The following TMEFF2 variants were observed in gnomAD, a reference collection of about 807,000 sequenced individuals.
TMEFF2 encodes transmembrane protein with EGF like and two follistatin like domains 2, also known as tomoregulin-2.
In TMEFF2, 28 loss-of-function variants were observed where a neutral mutation model predicts 53.8. The observed-to-expected ratio is 0.52, with a 90% CI of 0.39 to 0.71. The LOEUF (loss-of-function observed/expected upper bound fraction) is 0.71, where lower values mean the gene tolerates loss of function less well. Ranked by LOEUF, TMEFF2 falls within the 30% of genes least tolerant of loss-of-function variation. TMEFF2 has a pLI of 0.00. For synonymous variants in TMEFF2, 162 were observed against 166.3 expected (o/e 0.97, Z 0.20); for missense variants, 353 against 455.2 (o/e 0.78, Z 2.04).
chr2:191,968,941 C>G (rs1031655840), intron 7 of TMEFF2, among the ~76,000 whole-genome samples: 2 of 152,090 alleles, frequency 1.3e-5, no homozygotes, highest in Non-Finnish European at 2.9e-5. Flanking sequence ...CCTTGGGGCT[C>G]TAGCCACCCA....
At chr2:192,143,211 T>A (rs1035946234) in intron 4 of TMEFF2, among the ~76,000 whole-genome samples, 1 of 152,118 alleles carries the variant, frequency 6.6e-6, no homozygotes, top group African/African-American at 2.4e-5. Flanking sequence ...GTTCACTTAT[T>A]TGCCTGATCT....
chr2:192,104,234 G>A (rs935998239), intron 4 of TMEFF2, among the ~76,000 whole-genome samples: 49 of 152,210 alleles, frequency 3.2e-4, no homozygotes, highest in Admixed American at 3.3e-4. Context: ...CAGAAGTAGC[G>A]TTTAGAGAAA....
chr2:191,998,934 AT>A (rs1296008249), intron 6 of TMEFF2, 125 bp downstream of exon 6: 3 of 932,070 alleles, frequency 3.2e-6, no homozygotes, highest in Non-Finnish European at 4.9e-6. Context: ...AGACTCTACT[AT>A]CCATTGTAAA....
intron 5 of TMEFF2, among the ~76,000 whole-genome samples, chr2:191,999,684 T>C (rs973673624): frequency 6.6e-6 from 1 of 151,854 alleles, no homozygotes; most frequent in African/African-American, 2.4e-5. Flanking sequence ...CAATCAGGAG[T>C]CGTATTTCTT....
Position 192,186,565 on chromosome 2 carries a change from G to T in TMEFF2, c.283-2082C>A, listed in dbSNP as rs146125957. 3.9e-3 allele frequency among the ~76,000 whole-genome samples: 587 copies of T among 152,248 alleles called. 4 individuals carry two copies. The highest frequency in any genetic ancestry group is 0.013 in the African/African-American group (543 of 41,536). On this transcript the variant is annotated intron_variant, in intron 2 of 9. Transcript: ENST00000272771. ...AGGAGAGACAAGAAAGAAGGAAACA[G>T]CTGGTGACATAATGATCGATAGACT... is the stretch of plus-strand genomic sequence containing the variant.
At chr2:192,136,299 T>C (rs1452029267) in intron 4 of TMEFF2, among the ~76,000 whole-genome samples, 1 of 152,188 alleles carries the variant, frequency 6.6e-6, no homozygotes, top group African/African-American at 2.4e-5. Flanking sequence ...AAATATGAAT[T>C]GATAATGATA....
intron 4 of TMEFF2, among the ~76,000 whole-genome samples, chr2:192,121,506 T>A (rs181302828): frequency 6.6e-6 from 1 of 151,992 alleles, no homozygotes; most frequent in African/African-American, 2.4e-5. Flanking sequence ...TAAACTGGAG[T>A]GGTCTTTGGA....
chr2:192,184,575 C>T, intron 2 of TMEFF2, 92 bp from the exon 3 acceptor site: 1 of 1,464,488 alleles, frequency 6.8e-7, no homozygotes, highest in East Asian at 2.3e-5. Flanking sequence ...CAAAAGAAAC[C>T]ACTTGTCTTC....
intron 5 of TMEFF2, among the ~76,000 whole-genome samples, chr2:192,023,711 A>C (rs1296347398): frequency 1.3e-5 from 2 of 151,926 alleles, no homozygotes; most frequent in Non-Finnish European, 2.9e-5. Flanking sequence ...CTATGTTTCT[A>C]TTTATTAGTT....
intron 4 of TMEFF2, among the ~76,000 whole-genome samples, chr2:192,159,971 T>A (rs1405866166): frequency 1.3e-5 from 2 of 152,202 alleles, no homozygotes; most frequent in African/African-American, 4.8e-5. Flanking sequence ...TGATAATTAC[T>A]GGGTTACCAT....
intron 7 of TMEFF2, among the ~76,000 whole-genome samples, chr2:191,974,165 C>T (rs946413120): frequency 2.6e-5 from 4 of 152,074 alleles, no homozygotes; most frequent in African/African-American, 9.7e-5. Flanking sequence ...TAGAGTTTTA[C>T]ATGTAGAGTT....
At chr2:192,053,050 G>A (rs1687810769) in intron 5 of TMEFF2, among the ~76,000 whole-genome samples, 1 of 152,116 alleles carries the variant, frequency 6.6e-6, no homozygotes. Context: ...TGTTCTCCAT[G>A]TAAGGAAAAT....
At chr2:192,113,919 C>T (rs931624264) in intron 4 of TMEFF2, among the ~76,000 whole-genome samples, 1 of 152,084 alleles carries the variant, frequency 6.6e-6, no homozygotes, top group Non-Finnish European at 1.5e-5. Flanking sequence ...CTAACAGTAG[C>T]ACAGGGATTT....
intron 7 of TMEFF2, among the ~76,000 whole-genome samples, chr2:191,983,323 T>C (rs1043443335): frequency 6.6e-6 from 1 of 151,646 alleles, no homozygotes; most frequent in Admixed American, 6.6e-5. Flanking sequence ...TGATGGGTAG[T>C]ACAAGGATGA....
At chr2:192,041,308 A>G (rs1271146203) in intron 5 of TMEFF2, among the ~76,000 whole-genome samples, 1 of 152,202 alleles carries the variant, frequency 6.6e-6, no homozygotes, top group Non-Finnish European at 1.5e-5. Context: ...TAGACAAATG[A>G]TCTGAATGGA....
chr2:192,048,361 A>AACACACACACACACACACAC (rs3053696), intron 5 of TMEFF2, among the ~76,000 whole-genome samples: 47 of 143,262 alleles, frequency 3.3e-4, no homozygotes, highest in African/African-American at 9.7e-4. Flanking sequence ...ATTCTCATAA[A>AACACACACACACACACACAC]ACACACACAC....
chr2:191,975,038 T>G (rs1281914815), intron 7 of TMEFF2, among the ~76,000 whole-genome samples: 2 of 151,884 alleles, frequency 1.3e-5, no homozygotes, highest in African/African-American at 2.4e-5. Context: ...AGTGTAATGG[T>G]TAAATAATGT....
At chr2:191,974,526 T>C (rs1003568774) in intron 7 of TMEFF2, among the ~76,000 whole-genome samples, 3 of 152,046 alleles carry the variant, frequency 2.0e-5, no homozygotes, top group African/African-American at 7.2e-5. Context: ...AAAATATAGA[T>C]AGGAAAAGAA....
At chr2:191,973,067 T>C (rs1272051984) in intron 7 of TMEFF2, among the ~76,000 whole-genome samples, 1 of 152,142 alleles carries the variant, frequency 6.6e-6, no homozygotes, top group East Asian at 1.9e-4. Context: ...AATTTGGGGA[T>C]GTAAATTTAA....
Sources: gnomAD v4.1 joint callset for allele counts (sites outside exome capture counted in the v4.1 genomes callset) on GRCh38, gnomAD v4.1.1 for gene constraint, MANE v1.5 for transcripts, NCBI Gene and HGNC (gene_info 2026-07-23, HGNC 2026-07-21) for gene names.